Variants in ASIC2 observed in about 807,000 individuals in gnomAD.
ASIC2 encodes acid-sensing ion channel 2.
A neutral mutation model predicts 57.3 loss-of-function variants in ASIC2; 25 were observed. That is an observed-to-expected ratio of 0.44 (90% CI 0.32 to 0.61). ASIC2 has a LOEUF of 0.61. Among genes scored for constraint, ASIC2 ranks in the 20% least tolerant of loss-of-function variants. The pLI is 0.06. For missense variants in ASIC2, 641 were observed against 738.1 expected, an observed-to-expected ratio of 0.87 and a Z score of 1.52; for synonymous variants, 319 against 307.5, an observed-to-expected ratio of 1.04 and a Z score of -0.39.
At chr17:33,943,417 G>A (rs576224917) in intron 1 of ASIC2, among the ~76,000 whole-genome samples, 20 of 152,286 alleles carry the variant, frequency 1.3e-4, no homozygotes, top group African/African-American at 4.1e-4. Context: ...ATGATCAGGT[G>A]ACATTTGCAT....
At chr17:33,157,405 A>G (rs1234640795) in intron 1 of ASIC2, among the ~76,000 whole-genome samples, 1 of 152,168 alleles carries the variant, frequency 6.6e-6, no homozygotes, top group Non-Finnish European at 1.5e-5. Flanking sequence ...TTAAGTAACT[A>G]TGTATCCTTT....
At chr17:33,838,816 T>G (rs1913345862) in intron 1 of ASIC2, among the ~76,000 whole-genome samples, 2 of 152,194 alleles carry the variant, frequency 1.3e-5, no homozygotes, top group Admixed American at 1.3e-4. Context: ...TGTTATAGTC[T>G]CTGAGGTCTA....
intron 1 of ASIC2, among the ~76,000 whole-genome samples, chr17:33,313,161 T>A (rs1210522888): frequency 6.7e-6 from 1 of 149,778 alleles, no homozygotes; most frequent in Non-Finnish European, 1.5e-5. Flanking sequence ...CTCAACAAAA[T>A]TTTTTTTTTA....
rs1907955302 is a variant in ASIC2 at position 33,346,492 on chromosome 17, A to G, written c.556-234425T>C. Reference sequence around the variant, plus strand: ...TTTGGGATTTTCTATGTGTATATGAAAATGCGTGGGTATGCACACCTGTGT... The same window carrying G: ...TTTGGGATTTTCTATGTGTATATGAGAATGCGTGGGTATGCACACCTGTGT... On this transcript the variant is annotated intron_variant, in intron 1 of 9. Transcript: ENST00000359872. 3.9e-5 allele frequency among the ~76,000 whole-genome samples: 6 copies of G among 151,916 alleles called. No individual in the cohort carries two copies. The South Asian group carries it at 1.2e-3, about 32-fold the overall frequency.
chr17:33,566,818 T>A (rs368541045), intron 1 of ASIC2, among the ~76,000 whole-genome samples: 3 of 152,136 alleles, frequency 2.0e-5, no homozygotes, highest in Non-Finnish European at 4.4e-5. Flanking sequence ...CCGTGATCTT[T>A]CCTGACTGTG....
intron 1 of ASIC2, among the ~76,000 whole-genome samples, chr17:33,964,263 T>C (rs956200144): frequency 4.6e-5 from 7 of 152,172 alleles, no homozygotes; most frequent in Non-Finnish European, 8.8e-5. Context: ...CTATCACACA[T>C]ACAGCAACCT....
chr17:33,567,292 G>A (rs1329110384), intron 1 of ASIC2, among the ~76,000 whole-genome samples: 1 of 152,116 alleles, frequency 6.6e-6, no homozygotes, highest in Non-Finnish European at 1.5e-5. Flanking sequence ...AAGCCCCAGG[G>A]TGAGAACAAT....
At chr17:33,678,834 T>G (rs1907909977) in intron 1 of ASIC2, among the ~76,000 whole-genome samples, 1 of 152,040 alleles carries the variant, frequency 6.6e-6, no homozygotes, top group Admixed American at 6.5e-5. Flanking sequence ...TCTCTTAGCT[T>G]CAGAAACCCT....
intron 1 of ASIC2, among the ~76,000 whole-genome samples, chr17:34,046,815 T>A (rs1434005944): frequency 6.6e-6 from 1 of 152,214 alleles, no homozygotes; most frequent in Admixed American, 6.5e-5. Context: ...AAGCTCCAGT[T>A]TGTTCTTTCA....
At chr17:33,126,707 A>G (rs2092324277) in intron 1 of ASIC2, among the ~76,000 whole-genome samples, 1 of 151,876 alleles carries the variant, frequency 6.6e-6, no homozygotes, top group African/African-American at 2.4e-5. Flanking sequence ...AATCGCTTGA[A>G]CCGGGGAGAT....
Position 33,279,106 on chromosome 17 carries a change from C to A in ASIC2, c.708+12302G>T, listed in dbSNP as rs59249781. 8.0e-3 allele frequency among the ~76,000 whole-genome samples: 1,212 copies of A among 152,252 alleles called. 15 individuals are homozygous for A. Among genetic ancestry groups the A allele is most frequent in the African/African-American group, 0.025 (1,030 of 41,546 alleles). ...TGAGATTTTTAGAAACAGTATTTTT[C>A]TTTTGTCTTATGCGTTGATTTGTTG... On this transcript the variant is annotated intron_variant, in intron 1 of 9. Coordinates refer to ENST00000225823, the MANE Select transcript of ASIC2 (RefSeq NM_183377.2).
intron 3 of ASIC2, among the ~76,000 whole-genome samples, chr17:33,034,578 A>G (rs1374745050): frequency 6.6e-6 from 1 of 152,226 alleles, no homozygotes; most frequent in African/African-American, 2.4e-5. Context: ...TTATTTTTGA[A>G]ACATTTTGGC....
chr17:33,665,941 G>A (rs1197019951), intron 1 of ASIC2, among the ~76,000 whole-genome samples: 6 of 152,072 alleles, frequency 3.9e-5, no homozygotes, highest in African/African-American at 9.7e-5. Flanking sequence ...TTCTCTGTGC[G>A]TGCGACTATG....
At chr17:33,269,422 T>A (rs1904355373) in intron 1 of ASIC2, among the ~76,000 whole-genome samples, 1 of 152,120 alleles carries the variant, frequency 6.6e-6, no homozygotes, top group Admixed American at 6.5e-5. Context: ...GACACCCCCA[T>A]CAATAGTCCT....
At chr17:33,540,409 T>A (rs930993246) in intron 1 of ASIC2, among the ~76,000 whole-genome samples, 1 of 152,110 alleles carries the variant, frequency 6.6e-6, no homozygotes, top group African/African-American at 2.4e-5. Context: ...CAATATATTT[T>A]GGAGGGGGGC....
chr17:33,985,953 T>C (rs564762472), intron 1 of ASIC2, among the ~76,000 whole-genome samples: 1 of 152,324 alleles, frequency 6.6e-6, no homozygotes, highest in East Asian at 1.9e-4. Context: ...CAGCTAATTG[T>C]CTAACTCCAT....
chr17:33,434,220 T>C (rs1168940527), intron 1 of ASIC2, among the ~76,000 whole-genome samples: 1 of 152,000 alleles, frequency 6.6e-6, no homozygotes, highest in East Asian at 1.9e-4. Context: ...GAATATCTAT[T>C]ACATAATAAT....
intron 1 of ASIC2, among the ~76,000 whole-genome samples, chr17:33,949,494 A>G (rs576227249): frequency 1.1e-4 from 17 of 152,360 alleles, no homozygotes; most frequent in African/African-American, 3.8e-4. Flanking sequence ...TATTTTTAGA[A>G]AAATTAAAGG....
chr17:33,464,526 TTCTTTCTTTCTTTCTC>T (rs1912775153), intron 1 of ASIC2, among the ~76,000 whole-genome samples: 1 of 39,146 alleles, frequency 2.6e-5, no homozygotes, highest in African/African-American at 1.0e-4. Context: ...CTTTCTTTCT[TTCTTTCTTTCTTTCTC>T]TTTCTTTCTT....
Sources: allele counts gnomAD v4.1 joint callset (sites outside exome capture counted in the v4.1 genomes callset), GRCh38; gene constraint gnomAD v4.1.1; transcripts MANE v1.5; gene names NCBI Gene and HGNC (gene_info 2026-07-23, HGNC 2026-07-21).